The following CEP128 variants were observed in gnomAD, a reference collection of about 807,000 sequenced individuals.
CEP128 encodes the protein centrosomal protein 128.
CEP128 carries 132 observed loss-of-function variants against 156.7 expected under a neutral mutation model. The ratio of observed to expected loss-of-function variants is 0.84; its 90% confidence interval spans 0.73 to 0.97. The LOEUF (loss-of-function observed/expected upper bound fraction) is 0.97, where lower values mean the gene tolerates loss of function less well. Ranked by LOEUF, CEP128 falls within the 50% of genes least tolerant of loss-of-function variation. The pLI is 0.00. For missense variants in CEP128, 1,252 were observed against 1,281.9 expected (o/e 0.98, Z 0.36); for synonymous variants, 469 against 448.9 (o/e 1.04, Z -0.57).
downstream of CEP128, among the ~76,000 whole-genome samples, chr14:80,486,538 G>C (rs1055397765): frequency 1.3e-5 from 2 of 151,782 alleles, no homozygotes; most frequent in African/African-American, 4.8e-5. Flanking sequence ...GATACTTCTC[G>C]AGAAGAGCAA....
At chr14:80,884,930 A>G (rs971589311) in intron 8 of CEP128, among the ~76,000 whole-genome samples, 23 of 152,212 alleles carry the variant, frequency 1.5e-4, no homozygotes, top group Admixed American at 9.8e-4. Flanking sequence ...TGCTGCCAGC[A>G]TAGCAGTCTG....
At chr14:80,712,202 G>GA (rs1897437733) in intron 19 of CEP128, among the ~76,000 whole-genome samples, 1 of 152,152 alleles carries the variant, frequency 6.6e-6, no homozygotes, top group African/African-American at 2.4e-5. Context: ...TAAACTGTAA[G>GA]AAAAAGGAAT....
At chr14:80,494,582 T>C (rs1887429153), downstream of CEP128, among the ~76,000 whole-genome samples, 2 of 152,274 alleles carry the variant, frequency 1.3e-5, no homozygotes, top group Non-Finnish European at 2.9e-5. Flanking sequence ...CAAAATTCAA[T>C]ACAGATTAGA....
intron 21 of CEP128, among the ~76,000 whole-genome samples, chr14:80,553,041 C>T (rs143875148): frequency 5.9e-5 from 9 of 151,318 alleles, no homozygotes; most frequent in East Asian, 3.9e-4. Flanking sequence ...AAAAATCTTA[C>T]GGTTTACCAT....
chr14:80,480,058 T>A (rs1482269526), intron 14 of CEP128, among the ~76,000 whole-genome samples: 1 of 152,194 alleles, frequency 6.6e-6, no homozygotes, highest in African/African-American at 2.4e-5. Flanking sequence ...TCCTGGCTGC[T>A]TTCATGGGCT....
chr14:80,862,697 C>A, intron 9 of CEP128, 60 bp downstream of exon 9: 1 of 1,123,688 alleles, frequency 8.9e-7, no homozygotes, highest in South Asian at 1.3e-5. Context: ...ACCATTTTAA[C>A]ATGGCTAAAT....
intron 13 of CEP128, among the ~76,000 whole-genome samples, chr14:80,817,464 T>G (rs915480626): frequency 6.6e-6 from 1 of 152,150 alleles, no homozygotes; most frequent in East Asian, 1.9e-4. Context: ...TTCAAAAAAC[T>G]AAAGAAAAAC....
At chr14:80,717,449 G>A (rs540391062) in intron 19 of CEP128, among the ~76,000 whole-genome samples, 21 of 152,240 alleles carry the variant, frequency 1.4e-4, no homozygotes, top group African/African-American at 5.1e-4. Flanking sequence ...TTTTCAGAGT[G>A]ATAATGAAGC....
rs114962759 is a variant in CEP128, at chr14:80,629,526, C to A, written c.2807-49103G>T. Among the ~76,000 whole-genome samples the A allele has an allele frequency of 2.4e-4, 34 of 140,248 alleles. 1 individual carries two copies. In the East Asian group the frequency reaches 6.9e-3, roughly 28 times the overall value. 92.0% of individuals were successfully genotyped at this position (140,248 alleles called of 152,430 possible). On this transcript the variant is annotated intron_variant, in intron 19 of 24. Transcript: ENST00000555265. ...CACTCCAGTAATATATTTTTTTTTT[C>A]TTTTTAAGGTAGGAATACCCTCTGT...
At chr14:80,856,343 G>A (rs183239940) in intron 9 of CEP128, among the ~76,000 whole-genome samples, 1 of 152,186 alleles carries the variant, frequency 6.6e-6, no homozygotes, top group East Asian at 1.9e-4. Context: ...GACTTAATAT[G>A]CTATAAAATG....
rs193017283 is a variant in CEP128 at position 80,528,672 on chromosome 14, C to T, written c.2959-1690G>A. Among the ~76,000 whole-genome samples, 1,285 of 152,294 alleles carry T rather than the reference C, an allele frequency of 8.4e-3. 3 individuals are homozygous for T. Among genetic ancestry groups the T allele is most frequent in the Non-Finnish European group, 0.014 (938 of 68,026 alleles). ...AAATAAGATGAGGTCCGTACTCACA[C>T]TTAAAAGTCATAGGCTATGGTACTA... On this transcript the variant is annotated intron_variant, in intron 22 of 24. Transcript: ENST00000555265.
chr14:80,898,239 A>G (rs1889439423), intron 7 of CEP128, among the ~76,000 whole-genome samples: 1 of 152,322 alleles, frequency 6.6e-6, no homozygotes, highest in Admixed American at 6.5e-5. Flanking sequence ...GAGAATACCA[A>G]CCTTTCAACA....
chr14:80,911,371 T>A (rs954425855), intron 4 of CEP128, among the ~76,000 whole-genome samples: 1 of 151,914 alleles, frequency 6.6e-6, no homozygotes, highest in African/African-American at 2.4e-5. Context: ...CCAGGTGTAG[T>A]GGTACACAAC....
At chr14:80,932,299 A>T (rs1394905282) in intron 2 of CEP128, among the ~76,000 whole-genome samples, 1 of 152,220 alleles carries the variant, frequency 6.6e-6, no homozygotes, top group Non-Finnish European at 1.5e-5. Flanking sequence ...ACCATAAAAG[A>T]TCCCCAAATT....
chr14:80,569,133 T>C (rs1345314366), intron 20 of CEP128, among the ~76,000 whole-genome samples: 2 of 152,216 alleles, frequency 1.3e-5, no homozygotes, highest in East Asian at 3.8e-4. Flanking sequence ...GTAATAGCTA[T>C]AAAAACAGCA....
chr14:80,729,129 T>TG (rs1898162976), intron 19 of CEP128, among the ~76,000 whole-genome samples: 1 of 77,434 alleles, frequency 1.3e-5, no homozygotes, highest in African/African-American at 4.0e-5. Context: ...GTGTGTGTGT[T>TG]TACCCAGTGT....
chr14:80,734,845 T>C (rs1276176271), intron 19 of CEP128, among the ~76,000 whole-genome samples: 1 of 53,674 alleles, frequency 1.9e-5, no homozygotes, highest in Non-Finnish European at 3.1e-5. Flanking sequence ...AGACCCCATC[T>C]CAAAAAAAAA....
intron 21 of CEP128, among the ~76,000 whole-genome samples, chr14:80,555,692 T>C (rs1403348483): frequency 1.3e-5 from 2 of 152,118 alleles, no homozygotes; most frequent in African/African-American, 4.8e-5. Context: ...TGAAAGGGCT[T>C]CTGGGGCTCT....
Position 80,504,907 on chromosome 14 carries a change from CT to C in CEP128, c.3181+4del. Reference sequence around the variant, plus strand: ...TAAAAATGGGTACAAGACTTCATTACTTACAGTTCACGTATGAAAATCTTGG... The same window carrying C: ...TAAAAATGGGTACAAGACTTCATTACTACAGTTCACGTATGAAAATCTTGG... On this transcript the variant is annotated splice_donor_region_variant and intron_variant, in intron 24 of 24. Transcript: ENST00000555265. 1 of 1,493,876 alleles carries C rather than the reference CT, an allele frequency of 6.7e-7. No individual in the cohort carries two copies. The highest frequency in any genetic ancestry group is 9.2e-7 in the Non-Finnish European group (1 of 1,090,176). 92.5% of individuals were successfully genotyped at this position (1,493,876 alleles called of 1,614,324 possible). A position where few individuals can be genotyped will look rare whatever the true frequency, so the allele number is the denominator to read the frequency against.
Sources: allele counts gnomAD v4.1 joint callset (sites outside exome capture counted in the v4.1 genomes callset), GRCh38; gene constraint gnomAD v4.1.1; transcripts MANE v1.5; gene names NCBI Gene and HGNC (gene_info 2026-07-23, HGNC 2026-07-21).